SOX6: variants seen among roughly 807,000 people sequenced by gnomAD.
The protein encoded by SOX6 is transcription factor SOX-6.
SOX6 carries 11 observed loss-of-function variants against 97.8 expected under a neutral mutation model. The ratio of observed to expected loss-of-function variants is 0.11; its 90% CI spans 0.07 to 0.19. The LOEUF (loss-of-function observed/expected upper bound fraction) is 0.19, where lower values mean the gene tolerates loss of function less well. Among genes scored for constraint, SOX6 ranks in the 10% least tolerant of loss-of-function variants. The pLI, the probability that SOX6 is intolerant of heterozygous loss-of-function variation, is 1.00. For missense variants in SOX6, 810 were observed against 1,039.5 expected (o/e 0.78, Z 3.04); for synonymous variants, 360 against 371.4 (o/e 0.97, Z 0.35).
At chr11:16,733,404 A>T (rs979580710) in intron 2 of SOX6, among the ~76,000 whole-genome samples, 1 of 152,142 alleles carries the variant, frequency 6.6e-6, no homozygotes, top group African/African-American at 2.4e-5. Flanking sequence ...GTCATAAAAA[A>T]GGATGAGTTC....
At chr11:16,395,222 G>GGAGTGAA (rs1858315535) in intron 1 of SOX6, among the ~76,000 whole-genome samples, 1 of 151,720 alleles carries the variant, frequency 6.6e-6, no homozygotes, top group Non-Finnish European at 1.5e-5. Flanking sequence ...AGAACAAAAT[G>GGAGTGAA]GGCCAGTCCG....
chr11:16,143,406 T>C (rs1485430547), intron 6 of SOX6, among the ~76,000 whole-genome samples: 1 of 151,968 alleles, frequency 6.6e-6, no homozygotes, highest in African/African-American at 2.4e-5. Flanking sequence ...CATGCCAAAT[T>C]GTAAAGATCA....
At chr11:16,334,719 C>T (rs904225522) in intron 2 of SOX6, among the ~76,000 whole-genome samples, 2 of 151,998 alleles carry the variant, frequency 1.3e-5, no homozygotes, top group Admixed American at 6.6e-5. Context: ...TGAGCCACCA[C>T]GCCTAGCCTA....
intron 2 of SOX6, among the ~76,000 whole-genome samples, chr11:16,332,899 T>C (rs1391310652): frequency 6.6e-6 from 1 of 152,218 alleles, no homozygotes; most frequent in African/African-American, 2.4e-5. Flanking sequence ...AGGAAACTTT[T>C]TTGCAGAGGA....
intron 1 of SOX6, chr11:16,402,787 A>G: frequency 6.3e-7 from 1 of 1,595,496 alleles, no homozygotes; most frequent in Non-Finnish European, 8.6e-7. Flanking sequence ...CTATTGTTAC[A>G]TGAGACAACA....
intron 3 of SOX6, among the ~76,000 whole-genome samples, chr11:16,243,415 A>G (rs1227716360): frequency 6.6e-6 from 1 of 151,904 alleles, no homozygotes; most frequent in Admixed American, 6.6e-5. Context: ...CTTAACCCAG[A>G]GCTCTGCACA....
At chr11:15,996,423 G>A (rs1854229397) in intron 13 of SOX6, among the ~76,000 whole-genome samples, 1 of 152,058 alleles carries the variant, frequency 6.6e-6, no homozygotes, top group South Asian at 2.1e-4. Context: ...GAGGTCAGGA[G>A]TTCAAGACCA....
At chr11:16,436,213 T>C (rs1050806972) in intron 1 of SOX6, among the ~76,000 whole-genome samples, 6 of 152,128 alleles carry the variant, frequency 3.9e-5, no homozygotes, top group Admixed American at 3.3e-4. Flanking sequence ...AAATAAAAAT[T>C]AAAAAAATAG....
intron 6 of SOX6, among the ~76,000 whole-genome samples, chr11:16,170,456 A>G (rs1851008140): frequency 1.3e-5 from 2 of 151,968 alleles, no homozygotes; most frequent in Non-Finnish European, 2.9e-5. Flanking sequence ...AGTCGGCATA[A>G]AAGAAGAAGC....
At chr11:16,591,362 G>GATAGATAGATAA (rs368347954) in intron 4 of SOX6, among the ~76,000 whole-genome samples, 2,886 of 149,882 alleles carry the variant, frequency 0.019, 100 homozygotes, top group East Asian at 0.074. Flanking sequence ...CAGATAGATA[G>GATAGATAGATAA]ATAGATAGAT....
intron 1 of SOX6, among the ~76,000 whole-genome samples, chr11:16,352,245 G>T (rs901591246): frequency 7.2e-6 from 1 of 139,104 alleles, no homozygotes; most frequent in Admixed American, 7.5e-5. Context: ...GAACCAATGG[G>T]CAGATGATGG....
intron 3 of SOX6, among the ~76,000 whole-genome samples, chr11:16,277,642 A>G (rs1281428054): frequency 6.6e-6 from 1 of 152,092 alleles, no homozygotes; most frequent in Admixed American, 6.6e-5. Flanking sequence ...CTAACCTTCC[A>G]TTTACCCCTC....
rs1183888026 is a variant in SOX6 at position 16,068,058 on chromosome 11, C to A, written c.1102-12157G>T. 2.0e-5 allele frequency among the ~76,000 whole-genome samples: 3 copies of A among 152,172 alleles called. No homozygotes were observed. The East Asian group carries it at 5.8e-4, about 29-fold the overall frequency. On this transcript the variant is annotated intron_variant, in intron 9 of 15. Coordinates refer to ENST00000683767, the MANE Select transcript of SOX6 (RefSeq NM_001367873.1). ...GATTCTCTTCTAGTGTGACAGACATCATTCAAGGGGACAATAGAAGTTGGA... is the reference window on the plus strand; with the variant it reads ...GATTCTCTTCTAGTGTGACAGACATAATTCAAGGGGACAATAGAAGTTGGA...
chr11:16,269,976 T>C (rs1854202606), intron 3 of SOX6: 1 of 151,338 alleles, frequency 6.6e-6, no homozygotes, highest in South Asian at 2.1e-4. Context: ...GTGGTGACAG[T>C]GGGCAGCTTG....
intron 4 of SOX6, among the ~76,000 whole-genome samples, chr11:16,596,013 A>G (rs1022592055): frequency 1.3e-5 from 2 of 152,216 alleles, no homozygotes; most frequent in Non-Finnish European, 2.9e-5. Context: ...GTTATGATAT[A>G]CACCAACTTT....
intron 4 of SOX6, among the ~76,000 whole-genome samples, chr11:16,597,120 A>G (rs1261315429): frequency 2.0e-5 from 3 of 152,146 alleles, no homozygotes; most frequent in African/African-American, 4.8e-5. Context: ...TGGTAAGTTT[A>G]TCTACTCCAC....
intron 2 of SOX6, among the ~76,000 whole-genome samples, chr11:16,718,175 C>T (rs2134051825): frequency 6.6e-6 from 1 of 151,450 alleles, no homozygotes; most frequent in African/African-American, 2.4e-5. Flanking sequence ...CCTTTGTAGT[C>T]TTGAGTTCTT....
intron 1 of SOX6, among the ~76,000 whole-genome samples, chr11:16,468,222 T>C (rs1395411088): frequency 2.0e-5 from 3 of 152,158 alleles, no homozygotes; most frequent in African/African-American, 4.8e-5. Context: ...AATTCAACTT[T>C]AACTACAGTA....
At chr11:16,180,014 A>G (rs1428399118) in intron 6 of SOX6, among the ~76,000 whole-genome samples, 1 of 151,762 alleles carries the variant, frequency 6.6e-6, no homozygotes, top group Non-Finnish European at 1.5e-5. Context: ...ATGTGTTCCT[A>G]TTGATGTGCT....
Sources: allele counts gnomAD v4.1 joint callset (sites outside exome capture counted in the v4.1 genomes callset), GRCh38; gene constraint gnomAD v4.1.1; transcripts MANE v1.5; gene names NCBI Gene and HGNC (gene_info 2026-07-23, HGNC 2026-07-21).